The following PKP4 variants were observed in gnomAD, a reference collection of about 807,000 sequenced individuals.
The protein encoded by PKP4 is plakophilin 4.
Under a neutral mutation model 145.1 loss-of-function variants are expected in PKP4, and 90 were observed. The ratio of observed to expected loss-of-function variants is 0.62; its 90% CI spans 0.52 to 0.74. The LOEUF (loss-of-function observed/expected upper bound fraction) is 0.74, where lower values mean the gene tolerates loss of function less well. Among genes scored for constraint, PKP4 ranks in the 30% least tolerant of loss-of-function variants. The probability of loss-of-function intolerance (pLI) is 0.00; values close to 1 mark genes in which losing one functional copy is unlikely to be tolerated. For missense variants in PKP4, 1,340 were observed against 1,482.7 expected (o/e 0.90, Z 1.58); for synonymous variants, 563 against 577.2 (o/e 0.98, Z 0.35).
intron 2 of PKP4, among the ~76,000 whole-genome samples, chr2:158,537,451 T>A (rs1299534472): frequency 6.6e-6 from 1 of 152,074 alleles, no homozygotes; most frequent in Non-Finnish European, 1.5e-5. Flanking sequence ...ACTAAAGAAA[T>A]GTTAAGAATT....
At chr2:158,595,472 C>T (rs568886919) in intron 3 of PKP4, among the ~76,000 whole-genome samples, 20 of 152,200 alleles carry the variant, frequency 1.3e-4, no homozygotes, top group African/African-American at 4.6e-4. Flanking sequence ...CATAAATTCA[C>T]GAGCACTCAA....
At chr2:158,523,975 G>A (rs1455942770) in intron 1 of PKP4, among the ~76,000 whole-genome samples, 1 of 73,354 alleles carries the variant, frequency 1.4e-5, no homozygotes, top group Non-Finnish European at 2.6e-5. Flanking sequence ...AGAAATATGG[G>A]ACTATGTGAA....
chr2:158,505,534 A>G (rs2040892157), intron 1 of PKP4, among the ~76,000 whole-genome samples: 1 of 152,112 alleles, frequency 6.6e-6, no homozygotes, highest in African/African-American at 2.4e-5. Flanking sequence ...TAAACCAGTG[A>G]ACAAAGTCTC....
chr2:158,642,213 G>A (rs1456852105), intron 10 of PKP4, among the ~76,000 whole-genome samples: 3 of 152,116 alleles, frequency 2.0e-5, no homozygotes, highest in Admixed American at 6.5e-5. Context: ...TAGTAGAGAC[G>A]GGGTTTCATC....
At chr2:158,495,978 ATATTT>A (rs1044916900) in intron 1 of PKP4, among the ~76,000 whole-genome samples, 5 of 151,780 alleles carry the variant, frequency 3.3e-5, no homozygotes, top group Admixed American at 6.6e-5. Flanking sequence ...TTACTTGAAA[ATATTT>A]TATTTTATTT....
At chr2:158,638,644 TG>T (rs2054011362) in intron 9 of PKP4, among the ~76,000 whole-genome samples, 1 of 152,002 alleles carries the variant, frequency 6.6e-6, no homozygotes, top group African/African-American at 2.4e-5. Flanking sequence ...GGGGTGCAGG[TG>T]GGGTGAGGGG....
intron 4 of PKP4, among the ~76,000 whole-genome samples, chr2:158,611,585 G>A (rs1203097221): frequency 6.6e-6 from 1 of 152,190 alleles, no homozygotes; most frequent in Non-Finnish European, 1.5e-5. Flanking sequence ...AGCACATCAT[G>A]AGATAAGAAG....
intron 1 of PKP4, among the ~76,000 whole-genome samples, chr2:158,476,276 C>CAT (rs1224955277): frequency 6.6e-6 from 1 of 152,112 alleles, no homozygotes; most frequent in Non-Finnish European, 1.5e-5. Context: ...GCTGGGATGT[C>CAT]ATATGATTCC....
At chr2:158,534,426 A>G (rs183318679) in intron 2 of PKP4, among the ~76,000 whole-genome samples, 1 of 152,314 alleles carries the variant, frequency 6.6e-6, no homozygotes, top group Admixed American at 6.5e-5. Context: ...ACTTTCCACA[A>G]AGAGTTTGAG....
intron 9 of PKP4, among the ~76,000 whole-genome samples, 169 bp downstream of exon 9, chr2:158,634,458 G>A (rs2053647127): frequency 1.3e-5 from 2 of 152,086 alleles, no homozygotes; most frequent in Admixed American, 1.3e-4. Context: ...GGTCATTGAG[G>A]TTAATTTCAT....
At chr2:158,626,036 C>G (rs574954219) in intron 7 of PKP4, among the ~76,000 whole-genome samples, 8 of 152,028 alleles carry the variant, frequency 5.3e-5, no homozygotes, top group Non-Finnish European at 8.8e-5. Flanking sequence ...GGAGGGTTTC[C>G]TACATGGTGT....
intron 1 of PKP4, among the ~76,000 whole-genome samples, chr2:158,515,670 T>C (rs985040719): frequency 6.6e-6 from 1 of 152,186 alleles, no homozygotes; most frequent in Non-Finnish European, 1.5e-5. Context: ...TCCATCTACA[T>C]TTGCTCATGA....
rs376163350 is a variant in PKP4 at position 158,638,398 on chromosome 2, ATAAT to A, written c.1563-2223_1563-2220del. 3.3e-4 allele frequency among the ~76,000 whole-genome samples: 50 copies of A among 152,360 alleles called. No individual in the cohort carries two copies. In the East Asian group the frequency reaches 9.4e-3, roughly 29 times the overall value. On this transcript the variant is annotated intron_variant, in intron 9 of 21. Coordinates refer to ENST00000389759, the MANE Select transcript of PKP4 (RefSeq NM_003628.6). ...ACAGTTGAGGAAACTGAAGCTCCAAATAATTAATTGGTTTTCAAAATCACACAGA... is the reference window on the plus strand; with the variant it reads ...ACAGTTGAGGAAACTGAAGCTCCAAATAATTGGTTTTCAAAATCACACAGA...
chr2:158,471,088 C>T (rs1327432277), intron 1 of PKP4, among the ~76,000 whole-genome samples: 4 of 152,220 alleles, frequency 2.6e-5, no homozygotes. Context: ...CTGCACCCAC[C>T]ATGAGCAGAG....
chr2:158,545,457 A>G (rs914055739), intron 2 of PKP4, among the ~76,000 whole-genome samples: 1 of 152,240 alleles, frequency 6.6e-6, no homozygotes, highest in Non-Finnish European at 1.5e-5. Context: ...ATTGTTGAGC[A>G]CTAATAAAAT....
At chr2:158,476,445 C>G (rs1382828383) in intron 1 of PKP4, among the ~76,000 whole-genome samples, 2 of 152,134 alleles carry the variant, frequency 1.3e-5, no homozygotes, top group African/African-American at 2.4e-5. Flanking sequence ...ATCATCTCGT[C>G]TCAGCCTCCC....
chr2:158,531,495 T>C (rs1250638303), intron 1 of PKP4, among the ~76,000 whole-genome samples: 1 of 152,196 alleles, frequency 6.6e-6, no homozygotes, highest in Non-Finnish European at 1.5e-5. Context: ...TTGTGTAGCA[T>C]TTTTTTCCTT....
At chr2:158,613,644 C>T (rs988113862) in intron 4 of PKP4, among the ~76,000 whole-genome samples, 1 of 152,162 alleles carries the variant, frequency 6.6e-6, no homozygotes, top group African/African-American at 2.4e-5. Context: ...TGAGAACCAT[C>T]GCATTAGGAG....
At chr2:158,629,038 T>G (rs1272621378) in intron 7 of PKP4, among the ~76,000 whole-genome samples, 1 of 152,220 alleles carries the variant, frequency 6.6e-6, no homozygotes, top group Non-Finnish European at 1.5e-5. Flanking sequence ...ACTGTGCACT[T>G]TTGTCTAAGG....
Sources: allele counts gnomAD v4.1 joint callset (sites outside exome capture counted in the v4.1 genomes callset), GRCh38; gene constraint gnomAD v4.1.1; transcripts MANE v1.5; gene names NCBI Gene and HGNC (gene_info 2026-07-23, HGNC 2026-07-21).